SPIDR: variants seen among roughly 807,000 people sequenced by gnomAD.
SPIDR encodes the protein DNA repair-scaffolding protein.
In SPIDR, 93 loss-of-function variants were observed where a neutral mutation model predicts 104.6. That is an observed-to-expected ratio of 0.89 (90% CI 0.75 to 1.06). The LOEUF is 1.06. Among genes scored for constraint, SPIDR ranks in the 50% least tolerant of loss-of-function variants. The pLI, the probability that SPIDR is intolerant of heterozygous loss-of-function variation, is 0.00. For missense variants in SPIDR, 1,154 were observed against 1,111.2 expected, an observed-to-expected ratio of 1.04 and a Z score of -0.55; for synonymous variants, 431 against 416.9, an observed-to-expected ratio of 1.03 and a Z score of -0.41.
chr8:47,623,015 G>A (rs1019657536), intron 10 of SPIDR, among the ~76,000 whole-genome samples: 21 of 152,180 alleles, frequency 1.4e-4, no homozygotes, highest in African/African-American at 4.8e-4. Flanking sequence ...CTGTCCATCT[G>A]TGAGATGAAG....
At chr8:47,679,095 A>G (rs1321863234) in intron 11 of SPIDR, among the ~76,000 whole-genome samples, 2 of 151,934 alleles carry the variant, frequency 1.3e-5, no homozygotes, top group Non-Finnish European at 2.9e-5. Flanking sequence ...TGCTGCAACC[A>G]CCACCAGGGT....
intron 8 of SPIDR, among the ~76,000 whole-genome samples, chr8:47,458,808 T>C (rs1433358875): frequency 6.6e-6 from 1 of 152,172 alleles, no homozygotes; most frequent in Non-Finnish European, 1.5e-5. Flanking sequence ...TATGCTGATT[T>C]TGCTGAGGAT....
chr8:47,676,791 C>T (rs926603586), intron 11 of SPIDR, among the ~76,000 whole-genome samples: 3 of 152,194 alleles, frequency 2.0e-5, no homozygotes, highest in African/African-American at 7.2e-5. Context: ...TCAGCCCTAC[C>T]CGCTGTTGAA....
At chr8:47,271,844 A>G (rs1203630794) in intron 1 of SPIDR, among the ~76,000 whole-genome samples, 6 of 152,036 alleles carry the variant, frequency 3.9e-5, no homozygotes, top group Non-Finnish European at 5.9e-5. Context: ...CTGGAGTGCA[A>G]TGACATGATC....
intron 1 of SPIDR, among the ~76,000 whole-genome samples, chr8:47,267,015 A>G (rs1440355961): frequency 6.6e-6 from 1 of 152,238 alleles, no homozygotes; most frequent in African/African-American, 2.4e-5. Flanking sequence ...TTTCATTAAA[A>G]ATAATGTTTT....
chr8:47,501,186 A>G (rs940900044), intron 8 of SPIDR, among the ~76,000 whole-genome samples: 2 of 152,192 alleles, frequency 1.3e-5, no homozygotes, highest in African/African-American at 4.8e-5. Flanking sequence ...GAAGAAAGTC[A>G]TTGGTAGCTT....
chr8:47,357,781 A>G (rs1224470131), intron 5 of SPIDR: 1 of 868,034 alleles, frequency 1.2e-6, no homozygotes, highest in African/African-American at 1.8e-5. Flanking sequence ...GTTCTGAAAA[A>G]AAATTAGGGA....
At chr8:47,456,557 AAAC>A (rs2073014801) in intron 8 of SPIDR, among the ~76,000 whole-genome samples, 6 of 152,216 alleles carry the variant, frequency 3.9e-5, no homozygotes, top group African/African-American at 1.4e-4. Context: ...TGTGGAAATT[AAAC>A]AACACAGCCT....
chr8:47,642,432 A>C (rs1469768259), intron 10 of SPIDR, among the ~76,000 whole-genome samples: 1 of 151,640 alleles, frequency 6.6e-6, no homozygotes, highest in South Asian at 2.1e-4. Context: ...AAAAAAAAAA[A>C]GAAAAAGAAT....
chr8:47,469,905 T>G (rs782619070), intron 8 of SPIDR, among the ~76,000 whole-genome samples: 4 of 152,144 alleles, frequency 2.6e-5, no homozygotes, highest in Non-Finnish European at 5.9e-5. Context: ...TGAAATAAAT[T>G]AAGGAAGACA....
At chr8:47,506,105 A>G (rs1267967305) in intron 8 of SPIDR, among the ~76,000 whole-genome samples, 3 of 152,182 alleles carry the variant, frequency 2.0e-5, no homozygotes, top group Non-Finnish European at 2.9e-5. Flanking sequence ...TAATGCTACA[A>G]GAGTTGAGAG....
intron 10 of SPIDR, among the ~76,000 whole-genome samples, chr8:47,625,272 C>T (rs1355315314): frequency 6.6e-6 from 1 of 152,170 alleles, no homozygotes; most frequent in African/African-American, 2.4e-5. Context: ...AAACCCACAG[C>T]CAATATCATA....
intron 8 of SPIDR, among the ~76,000 whole-genome samples, chr8:47,470,435 CCCACCA>C: frequency 6.6e-6 from 1 of 152,026 alleles, no homozygotes; most frequent in Non-Finnish European, 1.5e-5. Context: ...ATTACAGGCG[CCCACCA>C]CCACGCCCAG....
intron 8 of SPIDR, among the ~76,000 whole-genome samples, chr8:47,525,923 C>T (rs957954949): frequency 2.6e-5 from 4 of 152,168 alleles, no homozygotes; most frequent in Non-Finnish European, 4.4e-5. Context: ...ACCCCTTTTC[C>T]CTGCAGTTGT....
intron 8 of SPIDR, among the ~76,000 whole-genome samples, chr8:47,586,270 T>C (rs1206667534): frequency 6.6e-6 from 1 of 152,154 alleles, no homozygotes; most frequent in African/African-American, 2.4e-5. Flanking sequence ...GCTAGGTTGT[T>C]TGGTAGTTGC....
intron 7 of SPIDR, among the ~76,000 whole-genome samples, chr8:47,429,840 C>G (rs1252613308): frequency 6.8e-6 from 1 of 147,812 alleles, no homozygotes; most frequent in Non-Finnish European, 1.5e-5. Flanking sequence ...TATTATTATA[C>G]TTTAAGTTTT....
At chr8:47,730,405 C>T (rs2085012615) in intron 19 of SPIDR, among the ~76,000 whole-genome samples, 1 of 152,242 alleles carries the variant, frequency 6.6e-6, no homozygotes, top group Non-Finnish European at 1.5e-5. Flanking sequence ...TCAGTGGCCC[C>T]TGGGCACAGC....
chr8:47,683,944 A>G (rs2077414024), intron 11 of SPIDR, among the ~76,000 whole-genome samples: 1 of 151,810 alleles, frequency 6.6e-6, no homozygotes. Flanking sequence ...GGGTAACATG[A>G]TGAAACCCCG....
chr8:47,550,358 G>A (rs185511839), intron 8 of SPIDR, among the ~76,000 whole-genome samples: 3 of 152,238 alleles, frequency 2.0e-5, no homozygotes, highest in Non-Finnish European at 4.4e-5. Flanking sequence ...ACCTTGGGCA[G>A]TATGGCCATT....
Sources: allele counts gnomAD v4.1 joint callset (sites outside exome capture counted in the v4.1 genomes callset), GRCh38; gene constraint gnomAD v4.1.1; transcripts MANE v1.5; gene names NCBI Gene and HGNC (gene_info 2026-07-23, HGNC 2026-07-21).